Variants in LYN observed in about 807,000 individuals in gnomAD.
LYN encodes LYN proto-oncogene, Src family tyrosine kinase, also known as tyrosine-protein kinase Lyn.
In LYN, 12 loss-of-function variants were observed where a neutral mutation model predicts 65.0. The ratio of observed to expected loss-of-function variants is 0.18; its 90% CI spans 0.12 to 0.30. The LOEUF (loss-of-function observed/expected upper bound fraction) is 0.30. Ranked by LOEUF, LYN falls within the 10% of genes least tolerant of loss-of-function variation. The pLI, the probability that LYN is intolerant of heterozygous loss-of-function variation, is 1.00. For missense variants in LYN, 380 were observed against 623.2 expected (o/e 0.61, Z 4.16); for synonymous variants, 222 against 221.2 (o/e 1.00, Z -0.03).
intron 1 of LYN, among the ~76,000 whole-genome samples, chr8:55,888,745 T>C (rs1326878119): frequency 2.0e-5 from 3 of 152,152 alleles, no homozygotes; most frequent in Non-Finnish European, 4.4e-5. Context: ...TTTTGTTTTG[T>C]TTTGTTTTTG....
chr8:55,906,326 C>T (rs1045319803), intron 1 of LYN, among the ~76,000 whole-genome samples: 4 of 148,392 alleles, frequency 2.7e-5, no homozygotes, highest in South Asian at 2.1e-4. Flanking sequence ...GCCAAGAATT[C>T]GTTTTTTTTG....
intron 8 of LYN, among the ~76,000 whole-genome samples, chr8:55,963,994 T>C (rs1290463380): frequency 6.6e-6 from 1 of 152,182 alleles, no homozygotes; most frequent in Admixed American, 6.5e-5. Flanking sequence ...ATTAAAAGGC[T>C]TTTGTTGGTG....
intron 1 of LYN, among the ~76,000 whole-genome samples, chr8:55,914,123 T>A (rs1319823619): frequency 6.6e-6 from 1 of 151,794 alleles, no homozygotes; most frequent in East Asian, 1.9e-4. Context: ...TGTGCACGTA[T>A]GACAGAGAGA....
At chr8:55,961,653 C>T (rs1004256968) in intron 8 of LYN, among the ~76,000 whole-genome samples, 8 of 152,150 alleles carry the variant, frequency 5.3e-5, no homozygotes, top group Non-Finnish European at 8.8e-5. Context: ...GTCCTTTACT[C>T]ATACTTTTCT....
intron 12 of LYN, among the ~76,000 whole-genome samples, chr8:56,000,226 T>A (rs1808476729): frequency 6.6e-6 from 1 of 152,112 alleles, no homozygotes; most frequent in Non-Finnish European, 1.5e-5. Context: ...TTCCGATGCT[T>A]GGTTTTGTAA....
chr8:55,917,171 GT>G (rs1805800970), intron 1 of LYN, among the ~76,000 whole-genome samples: 1 of 146,834 alleles, frequency 6.8e-6, no homozygotes, highest in African/African-American at 2.6e-5. Flanking sequence ...GTGAGATTCT[GT>G]CTAAAAAAAA....
chr8:55,924,373 CT>C (rs765942219), intron 1 of LYN, among the ~76,000 whole-genome samples: 1 of 145,050 alleles, frequency 6.9e-6, no homozygotes, highest in Admixed American at 6.8e-5. Flanking sequence ...TTTTTTTTTT[CT>C]TTTTTTGAGA....
rs181558396 is a variant in LYN, at chr8:55,956,618, C to T, written c.790+2634C>T. Among the ~76,000 whole-genome samples, 87 of 152,268 alleles carry T rather than the reference C, an allele frequency of 5.7e-4. 1 individual carries two copies. The highest frequency in any genetic ancestry group is 1.9e-3 in the African/African-American group (80 of 41,556). On this transcript the variant is annotated intron_variant, in intron 8 of 12. Transcript: ENST00000519728. ...GAACTTTCTCCAAATGGTTTCAGCACGATCTGTGAATTCTCTTCCCTCTTA... is the reference window on the plus strand; with the variant it reads ...GAACTTTCTCCAAATGGTTTCAGCATGATCTGTGAATTCTCTTCCCTCTTA...
intron 1 of LYN, among the ~76,000 whole-genome samples, chr8:55,917,174 T>TAA (rs776843044): frequency 5.2e-5 from 7 of 135,660 alleles, no homozygotes; most frequent in Non-Finnish European, 8.0e-5. Flanking sequence ...AGATTCTGTC[T>TAA]AAAAAAAAAA....
At position 55,997,900 on chromosome 8, in the gene LYN, T is replaced by C. The variant is rs372245936; in HGVS notation, c.1051-446T>C. Among the ~76,000 whole-genome samples, 530 of 152,128 alleles carry C rather than the reference T, an allele frequency of 3.5e-3. 5 individuals carry two copies. The highest frequency in any genetic ancestry group is 0.027 in the East Asian group (139 of 5,172). The stretch of plus-strand genomic sequence containing the variant: ...GAGATCGAGACCATCCTGGCTAACA[T>C]GGTGAAACCCCGTCTCTACTAAAAA... On this transcript the variant is annotated intron_variant, in intron 10 of 12. Coordinates refer to ENST00000519728, the MANE Select transcript of LYN (RefSeq NM_002350.4).
intron 8 of LYN, among the ~76,000 whole-genome samples, chr8:55,966,017 C>T (rs1182045352): frequency 3.3e-5 from 5 of 152,030 alleles, no homozygotes; most frequent in Admixed American, 6.6e-5. Context: ...CCCAGCTACT[C>T]AGGAGGCTCA....
At chr8:55,942,070 A>G in intron 2 of LYN, 79 bp downstream of exon 2, 1 of 1,443,948 alleles carries the variant, frequency 6.9e-7, no homozygotes, top group Non-Finnish European at 9.4e-7. Flanking sequence ...AGTCTGTAAT[A>G]TGTGCATGCA....
chr8:55,929,042 A>C (rs75153775), intron 1 of LYN, among the ~76,000 whole-genome samples: 1 of 150,462 alleles, frequency 6.6e-6, no homozygotes, highest in African/African-American at 2.5e-5. Flanking sequence ...CCACTTATTG[A>C]AAAAAATATC....
At chr8:55,967,345 CACACTGTTGCCCGGGCTGGAGT>C in intron 9 of LYN, among the ~76,000 whole-genome samples, 1 of 126,854 alleles carries the variant, frequency 7.9e-6, no homozygotes, top group Admixed American at 9.0e-5. Flanking sequence ...AACAGAGTCT[CACACTGTTGCCCGGGCTGGAGT>C]GCAGTGGTGC....
At chr8:55,989,491 T>C (rs1277446895) in intron 10 of LYN, among the ~76,000 whole-genome samples, 1 of 152,202 alleles carries the variant, frequency 6.6e-6, no homozygotes, top group Non-Finnish European at 1.5e-5. Context: ...AGAGCCCGGT[T>C]GCCTTTCCTC....
intron 1 of LYN, among the ~76,000 whole-genome samples, chr8:55,906,776 T>C (rs7003770): frequency 0.21 from 32,387 of 151,638 alleles, 3,652 homozygotes; most frequent in Middle Eastern, 0.34. Flanking sequence ...ATGAAATGTA[T>C]CCCAGTTGAA....
chr8:55,982,803 T>C (rs1307742304), intron 10 of LYN, among the ~76,000 whole-genome samples: 1 of 152,152 alleles, frequency 6.6e-6, no homozygotes, highest in Non-Finnish European at 1.5e-5. Flanking sequence ...ATTCTGCTGC[T>C]CATTGCTTCA....
In LYN at chr8:55,947,742, G is replaced by A. The variant is rs1806826274; in HGVS notation, c.284+19G>A. ...TGGAGGAGTAAGTGCTCTCAAGCAC[G>A]CCACGGCTGCTCGTTTCCTCAGGCC... On this transcript the variant is annotated intron_variant, in intron 4 of 12. Transcript: ENST00000519728. The A allele has an allele frequency of 7.2e-6, 11 of 1,537,872 alleles. No individual in the cohort carries two copies. The highest frequency in any genetic ancestry group is 5.6e-5 in the South Asian group (5 of 89,570).
At chr8:55,925,322 A>C (rs1806075976) in intron 1 of LYN, among the ~76,000 whole-genome samples, 1 of 151,530 alleles carries the variant, frequency 6.6e-6, no homozygotes, top group South Asian at 2.1e-4. Flanking sequence ...GACGAGTCTC[A>C]TTATGTTGCC....
Sources: gnomAD v4.1 joint callset for allele counts (sites outside exome capture counted in the v4.1 genomes callset) on GRCh38, gnomAD v4.1.1 for gene constraint, MANE v1.5 for transcripts, NCBI Gene and HGNC (gene_info 2026-07-23, HGNC 2026-07-21) for gene names.